CCDC3: variants seen among roughly 807,000 people sequenced by gnomAD.
CCDC3 encodes the protein coiled-coil domain-containing protein 3.
In CCDC3, 24 loss-of-function variants were observed where a neutral mutation model predicts 21.4. The observed-to-expected ratio is 1.12, with a 90% CI of 0.81 to 1.58. CCDC3 has a LOEUF of 1.58. CCDC3 is among the 40% of genes most tolerant of loss of function. The probability of loss-of-function intolerance (pLI) is 0.00; values close to 1 mark genes in which losing one functional copy is unlikely to be tolerated. For missense variants in CCDC3, 425 were observed against 360.9 expected (o/e 1.18, Z -1.44); for synonymous variants, 186 against 166.0 (o/e 1.12, Z -0.93).
At chr10:13,008,604 A>G (rs1810176271) in intron 5 of CCDC3, among the ~76,000 whole-genome samples, 1 of 152,238 alleles carries the variant, frequency 6.6e-6, no homozygotes, top group African/African-American at 2.4e-5. Flanking sequence ...ACTACAATGG[A>G]TCCTGTGGTG....
At chr10:13,044,430 A>T (rs1836498636) in intron 5 of CCDC3, among the ~76,000 whole-genome samples, 1 of 152,198 alleles carries the variant, frequency 6.6e-6, no homozygotes, top group South Asian at 2.1e-4. Flanking sequence ...TCCTAAGACC[A>T]ATGTCCAGAA....
At chr10:12,961,365 G>A (rs547962953) in intron 2 of CCDC3, among the ~76,000 whole-genome samples, 11 of 152,258 alleles carry the variant, frequency 7.2e-5, no homozygotes, top group African/African-American at 2.4e-4. Flanking sequence ...AAAGGCAGGT[G>A]GGTCAACTCA....
intron 2 of CCDC3, among the ~76,000 whole-genome samples, chr10:12,913,222 G>A (rs1246946138): frequency 6.6e-6 from 1 of 152,138 alleles, no homozygotes; most frequent in Non-Finnish European, 1.5e-5. Flanking sequence ...TATGAGCACA[G>A]GATATCTTCC....
At chr10:12,905,842 C>T (rs756968115) in intron 2 of CCDC3, among the ~76,000 whole-genome samples, 2 of 152,154 alleles carry the variant, frequency 1.3e-5, no homozygotes, top group Admixed American at 6.5e-5. Context: ...GGGGATTGCT[C>T]TAGTCCCGCA....
intron 5 of CCDC3, among the ~76,000 whole-genome samples, chr10:13,010,443 T>G (rs996301067): frequency 6.6e-6 from 1 of 152,232 alleles, no homozygotes; most frequent in South Asian, 2.1e-4. Flanking sequence ...TCTACTTGAA[T>G]AGCAAAAATT....
At chr10:12,969,388 A>G (rs1023148986) in intron 2 of CCDC3, among the ~76,000 whole-genome samples, 1 of 152,150 alleles carries the variant, frequency 6.6e-6, no homozygotes, top group Non-Finnish European at 1.5e-5. Flanking sequence ...AGAAAACAGT[A>G]TGGAGTTTCC....
chr10:12,925,318 A>G (rs1834518615), intron 2 of CCDC3, among the ~76,000 whole-genome samples: 1 of 152,190 alleles, frequency 6.6e-6, no homozygotes, highest in Admixed American at 6.5e-5. Context: ...TCTTTGGCTT[A>G]TATTCAATAG....
chr10:13,005,635 T>C (rs11258119), upstream of CCDC3, among the ~76,000 whole-genome samples: 31 of 152,296 alleles, frequency 2.0e-4, no homozygotes, highest in African/African-American at 7.5e-4. Flanking sequence ...CCCCAGAGTT[T>C]TGTGCTGTGA....
intron 3 of CCDC3, among the ~76,000 whole-genome samples, chr10:13,079,124 T>C (rs1269224154): frequency 6.6e-6 from 1 of 152,216 alleles, no homozygotes; most frequent in African/African-American, 2.4e-5. Context: ...GAGAAAACTT[T>C]TTGTCTAAAT....
chr10:13,027,123 C>T (rs1342780398), intron 5 of CCDC3, among the ~76,000 whole-genome samples: 1 of 152,268 alleles, frequency 6.6e-6, no homozygotes, highest in South Asian at 2.1e-4. Context: ...AAAACAAAAC[C>T]TCTGAAGAAT....
At chr10:12,968,929 AAG>A (rs1339221179) in intron 2 of CCDC3, among the ~76,000 whole-genome samples, 4 of 152,204 alleles carry the variant, frequency 2.6e-5, no homozygotes, top group African/African-American at 9.6e-5. Flanking sequence ...AGAAGACAGC[AAG>A]AGAGGAAGAA....
At chr10:13,038,374 C>CA (rs58667035) in intron 5 of CCDC3, among the ~76,000 whole-genome samples, 12,654 of 98,720 alleles carry the variant, frequency 0.13, 774 homozygotes, top group African/African-American at 0.2. Context: ...AGTTGGAAAG[C>CA]AAAAAAAAAA....
Position 12,975,399 on chromosome 10 carries a change from G to A in CCDC3, c.549+22939C>T, listed in dbSNP as rs1304948455. 2.6e-5 allele frequency among the ~76,000 whole-genome samples: 4 copies of A among 152,232 alleles called. No individual in the cohort carries two copies. In the East Asian group the frequency reaches 7.7e-4, roughly 29 times the overall value. ...TGCTCAGCCCTAACTCCACCTGCTGGCCATTCATTCCACCTTAGAAAGGAG... is the reference window on the plus strand; with the variant it reads ...TGCTCAGCCCTAACTCCACCTGCTGACCATTCATTCCACCTTAGAAAGGAG... On this transcript the variant is annotated intron_variant, in intron 2 of 2. Transcript: ENST00000378825.
intron 2 of CCDC3, among the ~76,000 whole-genome samples, chr10:12,899,972 C>A (rs946876734): frequency 6.6e-6 from 1 of 152,180 alleles, no homozygotes; most frequent in Admixed American, 6.5e-5. Context: ...GTAATGAAAT[C>A]ATGAAGGTGG....
At chr10:13,025,145 T>C (rs1170974472) in intron 5 of CCDC3, among the ~76,000 whole-genome samples, 1 of 152,220 alleles carries the variant, frequency 6.6e-6, no homozygotes, top group Non-Finnish European at 1.5e-5. Context: ...GACTTGGAGT[T>C]GGACTGTCTA....
chr10:13,030,696 T>A (rs1404856362), intron 5 of CCDC3, among the ~76,000 whole-genome samples: 1 of 152,080 alleles, frequency 6.6e-6, no homozygotes, highest in Non-Finnish European at 1.5e-5. Context: ...GTTGCAATCC[T>A]AGTCTCTGAT....
chr10:13,071,975 G>C lies in CCDC3; in HGVS notation c.-270+1893C>G, dbSNP rs146696271. On this transcript the variant is annotated intron_variant, in intron 4 of 6. Transcript: ENST00000378839. ...AGTTAATTTCCTAAACCTTAGGCTG[G>C]TTGGTTTAGTACTGGGCTCAGGAGA... 4.0e-3 allele frequency among the ~76,000 whole-genome samples: 605 copies of C among 152,196 alleles called. 1 individual carries two copies. The highest frequency in any genetic ancestry group is 0.014 in the African/African-American group (573 of 41,508).
chr10:13,098,710 A>ATTTTTTTTTTTTTTTTTTTTTTTTTTTT (rs575500494), intron 2 of CCDC3: 1 of 64,854 alleles, frequency 1.5e-5, no homozygotes, highest in Non-Finnish European at 2.7e-5. Context: ...TCCTGCACTG[A>ATTTTTTTTTTTTTTTTTTTTTTTTTTTT]TTTTTTTTTT....
At chr10:12,970,592 G>C in intron 2 of CCDC3, among the ~76,000 whole-genome samples, 1 of 152,124 alleles carries the variant, frequency 6.6e-6, no homozygotes. Context: ...TTAAAAGTCA[G>C]TCTGGGCCGG....
Sources: gnomAD v4.1 joint callset for allele counts (sites outside exome capture counted in the v4.1 genomes callset) on GRCh38, gnomAD v4.1.1 for gene constraint, MANE v1.5 for transcripts, NCBI Gene and HGNC (gene_info 2026-07-23, HGNC 2026-07-21) for gene names.